Variants in ERC1 observed in about 807,000 individuals in gnomAD.
ERC1 encodes RAB6 interacting protein 2.
In ERC1, 56 loss-of-function variants were observed where a neutral mutation model predicts 132.0. That is an observed-to-expected ratio of 0.42 (90% CI 0.34 to 0.53). The LOEUF (loss-of-function observed/expected upper bound fraction) is 0.53, where lower values mean the gene tolerates loss of function less well. Among genes scored for constraint, ERC1 ranks in the 20% least tolerant of loss-of-function variants. ERC1 has a pLI of 0.03. For synonymous variants in ERC1, 478 were observed against 476.1 expected (o/e 1.00, Z -0.05); for missense variants, 1,202 against 1,349.9 (o/e 0.89, Z 1.72).
At chr12:1,318,605 C>T (rs957865855) in intron 15 of ERC1, among the ~76,000 whole-genome samples, 3 of 152,194 alleles carry the variant, frequency 2.0e-5, no homozygotes, top group Non-Finnish European at 4.4e-5. Flanking sequence ...TAATCCTCTT[C>T]TGACTTACAA....
intron 14 of ERC1, among the ~76,000 whole-genome samples, chr12:1,269,114 T>C (rs1359777844): frequency 6.6e-6 from 1 of 152,232 alleles, no homozygotes; most frequent in Non-Finnish European, 1.5e-5. Context: ...GTGGGTGCTG[T>C]TGTAGTCCTG....
chr12:1,376,653 A>T (rs868156775), intron 16 of ERC1, among the ~76,000 whole-genome samples: 32 of 152,212 alleles, frequency 2.1e-4, no homozygotes, highest in Non-Finnish European at 1.2e-4. Flanking sequence ...GTGGAGCTAG[A>T]ATTAGAACTG....
chr12:1,466,093 G>A (rs976759340), intron 18 of ERC1, among the ~76,000 whole-genome samples: 5 of 152,074 alleles, frequency 3.3e-5, no homozygotes, highest in South Asian at 2.1e-4. Flanking sequence ...TACCTTGCTC[G>A]GGACACCGTA....
At chr12:1,299,266 A>G (rs989195898) in intron 15 of ERC1, among the ~76,000 whole-genome samples, 1 of 152,242 alleles carries the variant, frequency 6.6e-6, no homozygotes, top group Non-Finnish European at 1.5e-5. Context: ...TACAGACCAT[A>G]TGCTGGGCCT....
At chr12:1,336,042 T>G (rs923223632) in intron 15 of ERC1, among the ~76,000 whole-genome samples, 1 of 152,222 alleles carries the variant, frequency 6.6e-6, no homozygotes, top group African/African-American at 2.4e-5. Flanking sequence ...TTTCCTAGTT[T>G]ACATGCATAA....
At chr12:1,166,937 A>C (rs1371969498) in intron 8 of ERC1, among the ~76,000 whole-genome samples, 1 of 152,238 alleles carries the variant, frequency 6.6e-6, no homozygotes, top group East Asian at 1.9e-4. Flanking sequence ...TCATGGAAAT[A>C]ATTTTGACTC....
rs190392571 is a variant in ERC1 at position 1,017,521 on chromosome 12, G to A, written c.-156-10227G>A. Among the ~76,000 whole-genome samples the A allele has an allele frequency of 9.2e-3, 1,280 of 139,612 alleles. 24 individuals carry two copies. Among genetic ancestry groups the A allele is most frequent in the African/African-American group, 0.032 (1,215 of 38,058 alleles). The allele number at this position is 139,612 out of a possible 152,430, so 91.6% of individuals were successfully genotyped here. Reference sequence around the variant, plus strand: ...TTTTTTTTTTTTTTTTTTTTGAGACGGTGTCTTGCTCTGTCACCTAGGCTT... The same window carrying A: ...TTTTTTTTTTTTTTTTTTTTGAGACAGTGTCTTGCTCTGTCACCTAGGCTT... On this transcript the variant is annotated intron_variant, in intron 1 of 18. Coordinates refer to ENST00000360905, the MANE Select transcript of ERC1 (RefSeq NM_178040.4).
chr12:1,116,873 G>T (rs1946511869), intron 7 of ERC1, among the ~76,000 whole-genome samples: 1 of 152,192 alleles, frequency 6.6e-6, no homozygotes, highest in African/African-American at 2.4e-5. Context: ...GAGCCACCAT[G>T]CCCGGGCAGT....
intron 18 of ERC1, among the ~76,000 whole-genome samples, chr12:1,483,672 T>G (rs1245016866): frequency 2.5e-5 from 1 of 40,016 alleles, no homozygotes; most frequent in African/African-American, 2.4e-4. Flanking sequence ...TGAGAGCTTT[T>G]TTTTTTTTTT....
chr12:1,266,391 C>CTTTTT (rs71293128), intron 14 of ERC1, among the ~76,000 whole-genome samples: 922 of 43,028 alleles, frequency 0.021, 207 homozygotes, highest in East Asian at 0.029. Context: ...CGTTTCCTGT[C>CTTTTT]TTTTTTTTTT....
At chr12:1,213,112 C>G (rs1296406338) in intron 12 of ERC1, among the ~76,000 whole-genome samples, 1 of 152,128 alleles carries the variant, frequency 6.6e-6, no homozygotes, top group Non-Finnish European at 1.5e-5. Flanking sequence ...TACCTGTAAC[C>G]TAGCATTTAG....
At chr12:1,169,273 A>G (rs571133664) in intron 8 of ERC1, among the ~76,000 whole-genome samples, 13 of 152,316 alleles carry the variant, frequency 8.5e-5, no homozygotes, top group African/African-American at 3.1e-4. Context: ...AAGTGTTATC[A>G]ACAGAAAGCC....
intron 12 of ERC1, among the ~76,000 whole-genome samples, chr12:1,213,834 G>A (rs951468130): frequency 1.3e-5 from 2 of 151,864 alleles, no homozygotes. Flanking sequence ...AACCCAGGAG[G>A]CGGAGGTTGC....
Position 1,151,348 on chromosome 12 carries a change from A to G in ERC1, c.1737+9561A>G, listed in dbSNP as rs557144280. On this transcript the variant is annotated intron_variant, in intron 8 of 18. Transcript: ENST00000360905. ...GCTACAAAGTAGTCAACCTAATTCT[A>G]TTTGTCTTCTTTGCCCCTGGCTTCC... Among the ~76,000 whole-genome samples the G allele has an allele frequency of 2.6e-5, 4 of 152,296 alleles. No homozygotes were observed. The East Asian group carries it at 7.7e-4, about 29-fold the overall frequency.
At chr12:1,330,548 C>G (rs960767751) in intron 15 of ERC1, among the ~76,000 whole-genome samples, 3 of 152,150 alleles carry the variant, frequency 2.0e-5, no homozygotes, top group Admixed American at 1.3e-4. Flanking sequence ...CCCACAGGCT[C>G]TCTGCCTAGT....
At chr12:1,264,334 T>C (rs2077336754) in intron 14 of ERC1, among the ~76,000 whole-genome samples, 1 of 152,204 alleles carries the variant, frequency 6.6e-6, no homozygotes, top group South Asian at 2.1e-4. Context: ...GTGAAGGTTA[T>C]AATCCCAGCT....
chr12:1,058,789 G>GTTTTTT lies in ERC1; in HGVS notation c.670-24362_670-24357dup, dbSNP rs33992098. On this transcript the variant is annotated intron_variant, in intron 2 of 18. Transcript: ENST00000360905. ...ATCTATAGTTTGCTTTGGAAAGTAT[G>GTTTTTT]TTTTTTTTTTTTTTTTTTAAGAGAC... 6.9e-5 allele frequency among the ~76,000 whole-genome samples: 9 copies of GTTTTTT among 129,846 alleles called. 1 individual carries two copies. The highest frequency in any genetic ancestry group is 1.7e-4 in the African/African-American group (6 of 34,468). The allele number at this position is 129,846 out of a possible 152,430, so 85.2% of individuals were successfully genotyped here.
chr12:1,030,182 T>TTA (rs1392285133), intron 2 of ERC1, among the ~76,000 whole-genome samples: 4 of 152,240 alleles, frequency 2.6e-5, no homozygotes, highest in Admixed American at 6.5e-5. Context: ...AAAAGCTGTC[T>TTA]TATACTCTTA....
intron 18 of ERC1, among the ~76,000 whole-genome samples, chr12:1,489,473 A>G (rs1219345724): frequency 6.6e-6 from 1 of 152,208 alleles, no homozygotes; most frequent in Non-Finnish European, 1.5e-5. Flanking sequence ...ACCAAATCCC[A>G]TCAGCTTTCA....
Sources: gnomAD v4.1 joint callset for allele counts (sites outside exome capture counted in the v4.1 genomes callset) on GRCh38, gnomAD v4.1.1 for gene constraint, MANE v1.5 for transcripts, NCBI Gene and HGNC (gene_info 2026-07-23, HGNC 2026-07-21) for gene names.